The following TMEM217 variants were observed in gnomAD, a reference collection of about 807,000 sequenced individuals.
TMEM217 encodes chromosome 6 open reading frame 128.
For synonymous variants in TMEM217, 76 were observed against 88.3 expected, an observed-to-expected ratio of 0.86 and a Z score of 0.78; for missense variants, 204 against 248.8, an observed-to-expected ratio of 0.82 and a Z score of 1.21.
At chr6:37,218,532 T>G (rs1194809796) in exon 2 of TMEM217, 1 of 1,614,028 alleles carries the variant, frequency 6.2e-7, no homozygotes, top group African/African-American at 1.3e-5. Flanking sequence ...GAAATTCGTC[T>G]CTTGTAGGAA....
chr6:37,239,147 G>A (rs917709512), intron 1 of TMEM217, among the ~76,000 whole-genome samples: 11 of 151,766 alleles, frequency 7.2e-5, no homozygotes, highest in African/African-American at 1.9e-4. Flanking sequence ...AACAAAAGCC[G>A]TATGTCTAAA....
exon 4 of TMEM217, chr6:37,212,487 C>T (rs1287032808): frequency 4.4e-6 from 2 of 455,848 alleles, no homozygotes; most frequent in Non-Finnish European, 8.8e-6. Context: ...TGGAGCAGAG[C>T]CTGTGGCGGC....
intron 1 of TMEM217, among the ~76,000 whole-genome samples, chr6:37,255,436 C>A (rs1211808825): frequency 1.3e-5 from 2 of 152,110 alleles, no homozygotes; most frequent in Non-Finnish European, 2.9e-5. Context: ...AATACTAGCT[C>A]TCTGGGAGGC....
rs528790233 is a variant in TMEM217 at position 37,240,146 on chromosome 6, T to C, written c.-12+17422A>G. On this transcript the variant is annotated intron_variant, in intron 1 of 1. Transcript: ENST00000357219. ...TCTGAACTCTTGTATTAGTCACTAT[T>C]GCTCTGTAACAAATTACCTCAAACC... 6.6e-5 allele frequency among the ~76,000 whole-genome samples: 10 copies of C among 152,346 alleles called. No individual in the cohort carries two copies. The South Asian group carries it at 1.7e-3, about 25-fold the overall frequency.
At chr6:37,213,907 A>G (rs111900216), downstream of TMEM217, among the ~76,000 whole-genome samples, 238 of 152,322 alleles carry the variant, frequency 1.6e-3, 2 homozygotes, top group African/African-American at 5.4e-3. Context: ...AGGAAGGGGC[A>G]CAGTCACACA....
intron 1 of TMEM217, among the ~76,000 whole-genome samples, chr6:37,246,950 G>A (rs921103634): frequency 1.3e-5 from 2 of 151,918 alleles, no homozygotes; most frequent in Admixed American, 6.6e-5. Context: ...GCCAGGTGCC[G>A]GGTCCCGCAG....
chr6:37,224,594 C>G (rs1046547806), intron 1 of TMEM217, among the ~76,000 whole-genome samples: 23 of 141,400 alleles, frequency 1.6e-4, no homozygotes, highest in African/African-American at 5.7e-4. Flanking sequence ...CGAGACTCCT[C>G]TCAAAAACAA....
chr6:37,252,635 ATATTTT>A (rs1446995665), intron 1 of TMEM217, among the ~76,000 whole-genome samples: 2,265 of 59,914 alleles, frequency 0.038, 9 homozygotes, highest in Middle Eastern at 0.11. Flanking sequence ...ATATATATAT[ATATTTT>A]TTTTTTTTTT....
At chr6:37,215,809 C>G (rs544791596), downstream of TMEM217, among the ~76,000 whole-genome samples, 14 of 152,056 alleles carry the variant, frequency 9.2e-5, no homozygotes, top group South Asian at 4.1e-4. Flanking sequence ...TCACCCCCAG[C>G]AAAGGAGACA....
chr6:37,230,923 A>G lies in TMEM217; in HGVS notation c.-11-11882T>C, dbSNP rs76829902. On this transcript the variant is annotated intron_variant, in intron 1 of 1. Coordinates refer to ENST00000357219, the Ensembl canonical transcript of TMEM217. ...GTTTTCTTTTCAGTGAAACTAAATA[A>G]CAACACAAAGGTTTTTTGTTATTGT... Among the ~76,000 whole-genome samples the G allele has an allele frequency of 5.0e-3, 754 of 152,274 alleles. 8 individuals are homozygous for G. The highest frequency in any genetic ancestry group is 0.017 in the African/African-American group (724 of 41,548).
intron 1 of TMEM217, 42 bp from the exon 2 acceptor site, chr6:37,219,083 C>G (rs551502267): frequency 3.3e-6 from 5 of 1,533,306 alleles, no homozygotes; most frequent in Non-Finnish European, 4.4e-6. Context: ...TAGTTCCTGC[C>G]AACATGGTAA....
chr6:37,214,562 T>C (rs1763083670), downstream of TMEM217, among the ~76,000 whole-genome samples: 1 of 151,980 alleles, frequency 6.6e-6, no homozygotes. Flanking sequence ...CACCAAAATC[T>C]CTGTACCCAT....
At chr6:37,257,671 G>A in exon 1 of TMEM217, 1 of 526,188 alleles carries the variant, frequency 1.9e-6, no homozygotes, top group Non-Finnish European at 3.4e-6. Context: ...GACGTTACCG[G>A]TCGGCTTCAG....
chr6:37,212,412 G>C (rs553230976), exon 4 of TMEM217: 1 of 403,558 alleles, frequency 2.5e-6, no homozygotes, highest in Non-Finnish European at 5.0e-6. Context: ...CATCTGGCAT[G>C]GTTCAGTTTA....
Position 37,246,871 on chromosome 6 carries a change from C to T in TMEM217, c.-12+10697G>A, listed in dbSNP as rs1364768417. Among the ~76,000 whole-genome samples, 9 of 149,604 alleles carry T rather than the reference C, an allele frequency of 6.0e-5. No homozygotes were observed. The Admixed American group carries it at 6.0e-4, about 10-fold the overall frequency. ...TGAGCCATGATTGTGCCACTGCGTT[C>T]TAGCCTGGGCAACAGAGCAAGACTC... On this transcript the variant is annotated intron_variant, in intron 1 of 1. Transcript: ENST00000357219.
rs372492935 is a variant in TMEM217, at chr6:37,245,994, G to T, written c.-12+11574C>A. ...CTGTATTTTTTTTAGTAGAGAAGGG[G>T]TTTCTCCATGTTGGTCAGGCTGGTC... On this transcript the variant is annotated intron_variant, in intron 1 of 1. Coordinates refer to ENST00000357219, the Ensembl canonical transcript of TMEM217. 1.2e-3 allele frequency among the ~76,000 whole-genome samples: 182 copies of T among 152,042 alleles called. 1 individual carries two copies. Among genetic ancestry groups the T allele is most frequent in the African/African-American group, 4.1e-3 (172 of 41,484 alleles).
chr6:37,248,339 C>A (rs1765210760), intron 1 of TMEM217, among the ~76,000 whole-genome samples: 1 of 152,156 alleles, frequency 6.6e-6, no homozygotes, highest in South Asian at 2.1e-4. Context: ...GAATTAATTT[C>A]TATCTACAGT....
Position 37,257,820 on chromosome 6 carries a change from G to C in TMEM217, c.-264C>G, listed in dbSNP as rs1765852982. On this transcript the variant is annotated 5_prime_UTR_variant, in exon 1 of 2. Coordinates refer to ENST00000357219, the Ensembl canonical transcript of TMEM217. ...AGCTGGGAGCGGGTGACCGGCGGCG[G>C]GGAAGCGGCCTGGGTTGGCCCTCAG... 3 of 1,381,072 alleles carry C rather than the reference G, an allele frequency of 2.2e-6. No homozygotes were observed. The Admixed American group carries it at 6.5e-5, about 30-fold the overall frequency. 85.6% of individuals were successfully genotyped at this position (1,381,072 alleles called of 1,614,324 possible). A position where few individuals can be genotyped will look rare whatever the true frequency, so the allele number is the denominator to read the frequency against.
chr6:37,239,418 T>C (rs1000669229), intron 1 of TMEM217, among the ~76,000 whole-genome samples: 2 of 152,076 alleles, frequency 1.3e-5, no homozygotes, highest in African/African-American at 4.8e-5. Flanking sequence ...GAGGCTGCAG[T>C]GAACCATGAT....
Sources: gnomAD v4.1 joint callset for allele counts (sites outside exome capture counted in the v4.1 genomes callset) on GRCh38, gnomAD v4.1.1 for gene constraint, MANE v1.5 for transcripts, NCBI Gene and HGNC (gene_info 2026-07-23, HGNC 2026-07-21) for gene names.